The following ERG variants were observed in gnomAD, a reference collection of about 807,000 sequenced individuals.
ERG encodes the protein transcriptional regulator ERG.
A neutral mutation model predicts 55.3 loss-of-function variants in ERG; 9 were observed. The ratio of observed to expected loss-of-function variants is 0.16; its 90% CI spans 0.10 to 0.28. The LOEUF (loss-of-function observed/expected upper bound fraction) is 0.28. ERG is among the 10% of genes least tolerant of loss of function. The probability of loss-of-function intolerance (pLI) is 1.00; values close to 1 mark genes in which losing one functional copy is unlikely to be tolerated. For missense variants in ERG, 434 were observed against 631.6 expected, an observed-to-expected ratio of 0.69 and a Z score of 3.35; for synonymous variants, 223 against 237.3, an observed-to-expected ratio of 0.94 and a Z score of 0.55.
intron 1 of ERG, among the ~76,000 whole-genome samples, chr21:38,595,230 T>G (rs543323911): frequency 1.6e-4 from 25 of 152,216 alleles, no homozygotes; most frequent in African/African-American, 5.8e-4. Context: ...TTGGGAAGAT[T>G]CATGAGGCAG....
chr21:38,381,773 A>G lies in ERG; in HGVS notation c.*1630T>C, dbSNP rs1233325186. The G allele has an allele frequency of 1.8e-5, 19 of 1,063,278 alleles. No homozygotes were observed. In the East Asian group the frequency reaches 8.1e-4, roughly 45 times the overall value. 65.9% of individuals were successfully genotyped at this position (1,063,278 alleles called of 1,614,324 possible). A position where few individuals can be genotyped will look rare whatever the true frequency, so the allele number is the denominator to read the frequency against. On this transcript the variant is annotated 3_prime_UTR_variant, in exon 10 of 10. Coordinates refer to ENST00000288319, the MANE Select transcript of ERG (RefSeq NM_182918.4). ...AGGCCTCTTTCCATTCCAGGCATAA[A>G]TATGGAGGCTCCAATGTGAAACCCG...
intron 1 of ERG, among the ~76,000 whole-genome samples, chr21:38,593,255 G>A (rs1459527241): frequency 6.6e-6 from 1 of 152,204 alleles, no homozygotes; most frequent in East Asian, 1.9e-4. Flanking sequence ...CATTTGAAAG[G>A]CGGATGACAT....
chr21:38,448,307 C>T (rs1482214150), intron 1 of ERG, among the ~76,000 whole-genome samples: 1 of 152,150 alleles, frequency 6.6e-6, no homozygotes, highest in African/African-American at 2.4e-5. Flanking sequence ...AAATTCTTCT[C>T]ACAGCTAATA....
chr21:38,658,265 C>T (rs1421659140), intron 1 of ERG, among the ~76,000 whole-genome samples: 1 of 152,208 alleles, frequency 6.6e-6, no homozygotes, highest in East Asian at 1.9e-4. Context: ...CCTGATGCCT[C>T]ACAGAGCTGG....
intron 1 of ERG, among the ~76,000 whole-genome samples, chr21:38,576,412 C>G (rs2059995013): frequency 6.6e-6 from 1 of 152,166 alleles, no homozygotes; most frequent in Non-Finnish European, 1.5e-5. Flanking sequence ...ATTAGGCTAT[C>G]TGACTCCAGA....
intron 1 of ERG, among the ~76,000 whole-genome samples, chr21:38,486,009 C>T (rs937592293): frequency 8.5e-5 from 13 of 152,114 alleles, no homozygotes; most frequent in African/African-American, 2.9e-4. Context: ...TCTCAGCTCA[C>T]AGCAACCTTT....
chr21:38,490,076 A>T (rs2059322067), intron 1 of ERG, among the ~76,000 whole-genome samples: 1 of 152,230 alleles, frequency 6.6e-6, no homozygotes, highest in Non-Finnish European at 1.5e-5. Flanking sequence ...AGCATTTCCC[A>T]GCCCTGTTTT....
At chr21:38,595,549 C>T (rs75834788) in intron 1 of ERG, among the ~76,000 whole-genome samples, 3,388 of 152,298 alleles carry the variant, frequency 0.022, 76 homozygotes, top group East Asian at 0.093. Flanking sequence ...GGGAGCTCTG[C>T]TCAGTCAGGG....
chr21:38,429,612 T>A lies in ERG; in HGVS notation c.237-6051A>T, dbSNP rs56364434. On this transcript the variant is annotated intron_variant, in intron 2 of 9. Transcript: ENST00000288319. Reference sequence around the variant, plus strand: ...GTGTATATGTACATGTATACACATGTACATATATACATATGTGTATATATA... The same window carrying A: ...GTGTATATGTACATGTATACACATGAACATATATACATATGTGTATATATA... Among the ~76,000 whole-genome samples, 36 of 131,396 alleles carry A rather than the reference T, an allele frequency of 2.7e-4. 5 individuals carry two copies. Among genetic ancestry groups the A allele is most frequent in the African/African-American group, 5.2e-4 (19 of 36,664 alleles). 86.2% of individuals were successfully genotyped at this position (131,396 alleles called of 152,430 possible). A position where few individuals can be genotyped will look rare whatever the true frequency, so the allele number is the denominator to read the frequency against.
intron 1 of ERG, among the ~76,000 whole-genome samples, chr21:38,626,013 C>T (rs1160681630): frequency 2.0e-5 from 3 of 150,222 alleles, no homozygotes; most frequent in Non-Finnish European, 4.4e-5. Context: ...ACCTCTGCCT[C>T]CCAGTTCAAG....
At chr21:38,483,484 T>G (rs1449062198) in intron 1 of ERG, among the ~76,000 whole-genome samples, 1 of 152,244 alleles carries the variant, frequency 6.6e-6, no homozygotes, top group East Asian at 1.9e-4. Context: ...AGTATGGATT[T>G]GTTAATATAA....
chr21:38,459,861 C>T (rs1320725122), intron 1 of ERG, among the ~76,000 whole-genome samples: 2 of 152,318 alleles, frequency 1.3e-5, no homozygotes, highest in Non-Finnish European at 1.5e-5. Context: ...TGTATTCTAG[C>T]ACTACAAGCC....
intron 1 of ERG, among the ~76,000 whole-genome samples, chr21:38,639,958 T>C (rs2060413696): frequency 6.6e-6 from 1 of 152,122 alleles, no homozygotes; most frequent in Admixed American, 6.5e-5. Context: ...GCCGGTTCCA[T>C]CTGTGAGCAC....
At chr21:38,467,639 G>T (rs2059102730) in intron 1 of ERG, among the ~76,000 whole-genome samples, 1 of 152,204 alleles carries the variant, frequency 6.6e-6, no homozygotes, top group Admixed American at 6.5e-5. Context: ...AGAGGACTCA[G>T]ATCTGAGGCC....
At chr21:38,540,198 GA>G (rs1349828433) in intron 2 of ERG, among the ~76,000 whole-genome samples, 2 of 151,498 alleles carry the variant, frequency 1.3e-5, no homozygotes, top group Non-Finnish European at 2.9e-5. Context: ...CCAGTTAAAA[GA>G]AAAAAAATAT....
chr21:38,379,988 C>A, downstream of ERG: 1 of 1,005,832 alleles, frequency 9.9e-7, no homozygotes, highest in Non-Finnish European at 1.2e-6. Flanking sequence ...AACAAGATTT[C>A]TTTAAACCAA....
chr21:38,594,986 A>G (rs1601292068), intron 1 of ERG, among the ~76,000 whole-genome samples: 2 of 152,174 alleles, frequency 1.3e-5, no homozygotes, highest in South Asian at 4.1e-4. Flanking sequence ...GAGAGGCTGG[A>G]GAGAAATCAG....
chr21:38,585,508 C>CAA (rs897335733), upstream of ERG, among the ~76,000 whole-genome samples: 1 of 138,598 alleles, frequency 7.2e-6, no homozygotes, highest in Non-Finnish European at 1.5e-5. Context: ...AGCACGGCTC[C>CAA]AAAATCCAGT....
upstream of ERG, among the ~76,000 whole-genome samples, chr21:38,588,556 C>G (rs147144175): frequency 6.6e-6 from 1 of 152,160 alleles, no homozygotes; most frequent in African/African-American, 2.4e-5. Context: ...GCTTGGGGCC[C>G]CAAGTTTATG....
Sources: gnomAD v4.1 joint callset for allele counts (sites outside exome capture counted in the v4.1 genomes callset) on GRCh38, gnomAD v4.1.1 for gene constraint, MANE v1.5 for transcripts, NCBI Gene and HGNC (gene_info 2026-07-23, HGNC 2026-07-21) for gene names.